The following ZNF420 variants were observed in gnomAD, a reference collection of about 807,000 sequenced individuals.
ZNF420 encodes the protein ATM and p53-associated KZNF protein.
In ZNF420, 31 loss-of-function variants were observed where a neutral mutation model predicts 44.7. That is an observed-to-expected ratio of 0.69 (90% CI 0.52 to 0.94). The LOEUF (loss-of-function observed/expected upper bound fraction) is 0.94, where lower values mean the gene tolerates loss of function less well. Ranked by LOEUF, ZNF420 falls within the 40% of genes least tolerant of loss-of-function variation. The pLI is 0.00. For missense variants in ZNF420, 681 were observed against 827.9 expected (o/e 0.82, Z 2.18); for synonymous variants, 245 against 267.4 (o/e 0.92, Z 0.82).
At chr19:37,099,195 C>A (rs2146587093) in intron 4 of ZNF420, among the ~76,000 whole-genome samples, 1 of 152,128 alleles carries the variant, frequency 6.6e-6, no homozygotes, top group South Asian at 2.1e-4. Context: ...TGGATGTATA[C>A]CCAGTAGTTA....
In ZNF420 at chr19:37,130,279, C is replaced by G; in HGVS notation, c.*1221C>G. ...CATACTAGCTCTGGTCTGCTTGCCT[C>G]CTGTTTCTCTTTAAATAAAATTAAA... On this transcript the variant is annotated 3_prime_UTR_variant, in exon 5 of 5. Transcript: ENST00000337995. 2.1e-6 allele frequency: 3 copies of G among 1,414,428 alleles called. No homozygotes were observed. The highest frequency in any genetic ancestry group is 2.8e-6 in the Non-Finnish European group (3 of 1,079,764). The allele number at this position is 1,414,428 out of a possible 1,614,324, so 87.6% of individuals were successfully genotyped here.
chr19:37,089,259 C>A, intron 3 of ZNF420, 132 bp downstream of exon 3: 1 of 796,018 alleles, frequency 1.3e-6, no homozygotes, highest in Non-Finnish European at 2.2e-6. Flanking sequence ...TTGTCCCATT[C>A]TGATAAGTGA....
intron 1 of ZNF420, chr19:37,025,089 A>C: frequency 3.6e-6 from 1 of 275,896 alleles, no homozygotes; most frequent in Admixed American, 3.9e-5. Context: ...GATGTTGACT[A>C]AGTCATCCAT....
rs550066103 is a variant in ZNF420, at chr19:37,129,836, G to A, written c.*778G>A. ...GACAAGGTGTGAAGTGATTTTTAAC[G>A]AAGTCTAAGATCCAAAGTCTAATAA... On this transcript the variant is annotated 3_prime_UTR_variant, in exon 5 of 5. Coordinates refer to ENST00000337995, the MANE Select transcript of ZNF420 (RefSeq NM_144689.5). 1.1e-4 allele frequency: 62 copies of A among 589,386 alleles called. No individual in the cohort carries two copies. Among genetic ancestry groups the A allele is most frequent in the Admixed American group, 5.5e-4 (14 of 25,230 alleles). 36.5% of individuals were successfully genotyped at this position (589,386 alleles called of 1,614,324 possible). A position where few individuals can be genotyped will look rare whatever the true frequency, so the allele number is the denominator to read the frequency against.
chr19:37,116,868 T>C (rs189026063), intron 4 of ZNF420, among the ~76,000 whole-genome samples: 1 of 152,322 alleles, frequency 6.6e-6, no homozygotes, highest in East Asian at 1.9e-4. Flanking sequence ...CTCAGACTGC[T>C]GTGCTAGCAA....
At chr19:37,085,443 A>C (rs1325691910) in intron 2 of ZNF420, among the ~76,000 whole-genome samples, 1 of 152,202 alleles carries the variant, frequency 6.6e-6, no homozygotes, top group African/African-American at 2.4e-5. Flanking sequence ...CTCAGGCTCC[A>C]CCAGGTCATT....
rs768099738 is a variant in ZNF420, at chr19:37,128,241, A to G, written c.1250A>G (p.Lys417Arg). 4 of 1,613,978 alleles carry G rather than the reference A, an allele frequency of 2.5e-6. No individual in the cohort carries two copies. In the African/African-American group the frequency reaches 5.3e-5, roughly 22 times the overall value. The change falls in exon 5 of 5, where the codon AAA becomes AGA. Residue 417 changes from lysine to arginine, a missense_variant. Coordinates refer to ENST00000337995, the MANE Select transcript of ZNF420 (RefSeq NM_144689.5). ...TQHQRIHTGE[K>R]PYQCKECGKA... ...CATCAGAGAATACACACTGGTGAGAAACCCTATCAATGTAAGGAATGTGGA... is the reference window on the plus strand; with the variant it reads ...CATCAGAGAATACACACTGGTGAGAGACCCTATCAATGTAAGGAATGTGGA...
chr19:37,016,569 C>G (rs987857895), intron 1 of ZNF420, among the ~76,000 whole-genome samples: 3 of 152,188 alleles, frequency 2.0e-5, no homozygotes, highest in African/African-American at 4.8e-5. Flanking sequence ...TGGATTCACC[C>G]CATATGGCCT....
chr19:37,079,416 C>T (rs1968303500), intron 1 of ZNF420, among the ~76,000 whole-genome samples: 1 of 152,156 alleles, frequency 6.6e-6, no homozygotes, highest in Non-Finnish European at 1.5e-5. Flanking sequence ...TGGCTCTGTG[C>T]TCCTCCCATG....
At chr19:37,081,184 C>G (rs1220059428) in intron 2 of ZNF420, among the ~76,000 whole-genome samples, 1 of 151,558 alleles carries the variant, frequency 6.6e-6, no homozygotes, top group Non-Finnish European at 1.5e-5. Context: ...GTCATGTTTT[C>G]AAATATTTTG....
chr19:37,057,260 C>T (rs931597779), intron 1 of ZNF420, among the ~76,000 whole-genome samples: 4 of 152,186 alleles, frequency 2.6e-5, no homozygotes, highest in Admixed American at 2.0e-4. Flanking sequence ...CAGGCCTGCC[C>T]GGACGGGGAT....
intron 4 of ZNF420, among the ~76,000 whole-genome samples, chr19:37,096,443 T>G (rs1969460612): frequency 6.6e-6 from 1 of 152,242 alleles, no homozygotes; most frequent in Admixed American, 6.5e-5. Flanking sequence ...GAAAAGTCCC[T>G]TGTCATTTTC....
At chr19:37,098,526 G>A (rs934337124) in intron 4 of ZNF420, among the ~76,000 whole-genome samples, 2 of 152,026 alleles carry the variant, frequency 1.3e-5, no homozygotes, top group African/African-American at 2.4e-5. Context: ...GCGTTAATAG[G>A]TTTTTTCATA....
chr19:37,060,930 A>G (rs1257210873), intron 1 of ZNF420, among the ~76,000 whole-genome samples: 1 of 152,024 alleles, frequency 6.6e-6, no homozygotes, highest in Non-Finnish European at 1.5e-5. Context: ...CGTCAGGGCT[A>G]CCTGGGCGGT....
intron 1 of ZNF420, among the ~76,000 whole-genome samples, chr19:37,011,714 C>T (rs1426628874): frequency 1.3e-5 from 2 of 152,192 alleles, no homozygotes; most frequent in Admixed American, 1.3e-4. Context: ...CCACCAGGCA[C>T]ATACCTGGAC....
At chr19:37,014,468 C>T (rs1315681560) in intron 1 of ZNF420, among the ~76,000 whole-genome samples, 1 of 152,172 alleles carries the variant, frequency 6.6e-6, no homozygotes, top group Non-Finnish European at 1.5e-5. Flanking sequence ...GCCCACCTCA[C>T]GGTCTGAAGC....
At chr19:37,039,363 T>C (rs2082008) in intron 1 of ZNF420, among the ~76,000 whole-genome samples, 29,093 of 152,208 alleles carry the variant, frequency 0.19, 2,943 homozygotes, top group South Asian at 0.24. Context: ...ACCCAATCCA[T>C]GGGATACAGA....
intron 4 of ZNF420, chr19:37,109,769 T>C (rs2146654342): frequency 6.6e-6 from 1 of 152,358 alleles, no homozygotes; most frequent in Admixed American, 6.5e-5. Context: ...ATTGTTGTTG[T>C]CTTTCCACCA....
At chr19:37,062,360 A>G (rs187702577) in intron 1 of ZNF420, among the ~76,000 whole-genome samples, 1 of 152,336 alleles carries the variant, frequency 6.6e-6, no homozygotes, top group East Asian at 1.9e-4. Flanking sequence ...AGAGTAAAGA[A>G]GATATGGAGA....
Sources: allele counts gnomAD v4.1 joint callset (sites outside exome capture counted in the v4.1 genomes callset), GRCh38; gene constraint gnomAD v4.1.1; transcripts MANE v1.5; gene names NCBI Gene and HGNC (gene_info 2026-07-23, HGNC 2026-07-21).